ZNF407: variants seen among roughly 807,000 people sequenced by gnomAD.
ZNF407 encodes the protein zinc finger protein 407.
ZNF407 carries 17 observed loss-of-function variants against 131.2 expected under a neutral mutation model. The observed-to-expected ratio is 0.13, with a 90% CI of 0.09 to 0.19. ZNF407 has a LOEUF of 0.19. Ranked by LOEUF, ZNF407 falls within the 10% of genes least tolerant of loss-of-function variation. The pLI, the probability that ZNF407 is intolerant of heterozygous loss-of-function variation, is 1.00. For missense variants in ZNF407, 2,681 were observed against 2,830.6 expected, an observed-to-expected ratio of 0.95 and a Z score of 1.20; for synonymous variants, 1,156 against 1,062.0, an observed-to-expected ratio of 1.09 and a Z score of -1.72.
chr18:75,013,819 T>G (rs933838206), intron 8 of ZNF407, among the ~76,000 whole-genome samples: 15 of 152,148 alleles, frequency 9.9e-5, no homozygotes, highest in African/African-American at 3.6e-4. Context: ...CCTTATGTTT[T>G]TATCTGCTGT....
At chr18:74,991,732 T>C (rs999842219) in intron 8 of ZNF407, among the ~76,000 whole-genome samples, 2 of 152,216 alleles carry the variant, frequency 1.3e-5, no homozygotes, top group Non-Finnish European at 2.9e-5. Flanking sequence ...TCTTCACTTG[T>C]GGCCATCACT....
chr18:75,031,486 CT>C (rs1209374954), intron 8 of ZNF407, among the ~76,000 whole-genome samples: 1 of 152,170 alleles, frequency 6.6e-6, no homozygotes, highest in African/African-American at 2.4e-5. Flanking sequence ...ATTAATTAGA[CT>C]TTTGTTTTGC....
In ZNF407 at chr18:75,064,256, G is replaced by T. The variant is rs1310365467; in HGVS notation, c.6535G>T (p.Val2179Leu). The T allele has an allele frequency of 5.0e-6, 8 of 1,606,184 alleles. No individual in the cohort carries two copies. Among genetic ancestry groups the T allele is most frequent in the Middle Eastern group, 1.7e-4 (1 of 6,046 alleles). The change falls in exon 9 of 9, where the codon GTG becomes TTG. Residue 2179 changes from valine (V) to leucine (L), a missense_variant. Around this residue, in one of 6 missense-constraint regions of ZNF407, gnomAD observed 620 missense variants for 583.1 expected, o/e 1.06. Coordinates refer to ENST00000299687, the MANE Select transcript of ZNF407 (RefSeq NM_017757.3). ...CATCCTGACAGAGCTGCCCCCAGGG[G>T]TGCAGGACGAGCCGGGCCTGTACTC... ...HYILTELPPG[V>L]QDEPGLYSHT...
At chr18:74,793,184 T>G (rs1969857610) in intron 4 of ZNF407, among the ~76,000 whole-genome samples, 1 of 152,220 alleles carries the variant, frequency 6.6e-6, no homozygotes, top group Admixed American at 6.5e-5. Context: ...AAGAAGTGAT[T>G]AAAAACAAAA....
chr18:74,634,878 C>T lies in ZNF407; in HGVS notation c.3859C>T (p.Arg1287Cys), dbSNP rs1216248818. 10 of 1,613,398 alleles carry T rather than the reference C, an allele frequency of 6.2e-6. No individual in the cohort carries two copies. Among genetic ancestry groups the T allele is most frequent in the East Asian group, 2.2e-5 (1 of 44,864 alleles). The change falls in exon 2 of 9, where the codon CGT becomes TGT. Residue 1287 changes from arginine to cysteine, a missense_variant. Coordinates refer to ENST00000299687, the MANE Select transcript of ZNF407 (RefSeq NM_017757.3). ...GAGCGGGGGTCAGAACAGAGTTGCA[C>T]GTGGGCATGGTTTGGAAGACTTGAA... The part of the protein sequence containing the change: ...LESGGQNRVA[R>C]GHGLEDLKGV...
At chr18:74,697,274 A>C (rs576383107) in intron 3 of ZNF407, among the ~76,000 whole-genome samples, 3 of 152,264 alleles carry the variant, frequency 2.0e-5, no homozygotes. Context: ...CTGTGCTCCT[A>C]TGAGGAGAAT....
intron 7 of ZNF407, among the ~76,000 whole-genome samples, chr18:74,894,670 A>G (rs1346690283): frequency 2.0e-5 from 3 of 152,176 alleles, no homozygotes; most frequent in Non-Finnish European, 4.4e-5. Flanking sequence ...TAATAAATGC[A>G]TATTAAACAG....
chr18:74,788,540 C>G (rs1276842048), intron 4 of ZNF407, among the ~76,000 whole-genome samples: 1 of 151,296 alleles, frequency 6.6e-6, no homozygotes, highest in African/African-American at 2.4e-5. Flanking sequence ...GGATTCCTTT[C>G]CTTTTATACC....
intron 8 of ZNF407, among the ~76,000 whole-genome samples, chr18:75,052,720 T>A (rs1462041758): frequency 1.3e-5 from 2 of 152,236 alleles, no homozygotes; most frequent in Non-Finnish European, 2.9e-5. Flanking sequence ...AATTCAGTTT[T>A]CCACTTGTTC....
At position 74,807,467 on chromosome 18, in the gene ZNF407, T is replaced by C. The variant is rs534382704; in HGVS notation, c.4877+25965T>C. Among the ~76,000 whole-genome samples the C allele has an allele frequency of 2.3e-3, 353 of 152,306 alleles. 3 individuals carry two copies. Among genetic ancestry groups the C allele is most frequent in the African/African-American group, 8.1e-3 (337 of 41,578 alleles). On this transcript the variant is annotated intron_variant, in intron 4 of 8. Transcript: ENST00000299687. ...AGACTTTGAACAGTCACACTAGTTA[T>C]GCTATAGTATGGTGCTCAAGTTCCC...
chr18:75,030,846 C>G (rs1328500795), intron 8 of ZNF407, among the ~76,000 whole-genome samples: 1 of 152,220 alleles, frequency 6.6e-6, no homozygotes, highest in Non-Finnish European at 1.5e-5. Context: ...CCTCTCCATT[C>G]TCTACCCCCG....
intron 8 of ZNF407, among the ~76,000 whole-genome samples, chr18:74,933,611 T>C (rs149342202): frequency 6.6e-6 from 1 of 152,232 alleles, no homozygotes; most frequent in Admixed American, 6.5e-5. Flanking sequence ...TTGGTACCCC[T>C]ATTTTTTCTG....
intron 4 of ZNF407, among the ~76,000 whole-genome samples, chr18:74,842,936 C>A (rs945296742): frequency 2.6e-5 from 4 of 151,984 alleles, no homozygotes; most frequent in Non-Finnish European, 4.4e-5. Context: ...AGGCTTCTCT[C>A]GAACTCCTGA....
At chr18:74,647,055 G>A (rs901144132) in intron 3 of ZNF407, among the ~76,000 whole-genome samples, 1 of 152,072 alleles carries the variant, frequency 6.6e-6, no homozygotes, top group African/African-American at 2.4e-5. Flanking sequence ...TGTGTCTAAA[G>A]TCTTTTCCAG....
chr18:75,064,219 C>T lies in ZNF407; in HGVS notation c.6498C>T (p.Gly2166=), dbSNP rs1418452366. Residue 2166 remains glycine (G), a synonymous_variant, in exon 9 of 9, where the codon GGC becomes GGT. Transcript: ENST00000299687. ...VQESSGGFSE[G]TTHYILTELP... ...AGTCCAGTGGCGGCTTCTCCGAGGG[C>T]ACCACGCACTACATCCTGACAGAGC... 1.0e-5 allele frequency: 16 copies of T among 1,606,202 alleles called. No homozygotes were observed. The highest frequency in any genetic ancestry group is 1.4e-5 in the Non-Finnish European group (16 of 1,177,896).
intron 4 of ZNF407, among the ~76,000 whole-genome samples, chr18:74,800,681 T>C (rs1226196229): frequency 1.3e-5 from 2 of 152,192 alleles, no homozygotes; most frequent in African/African-American, 2.4e-5. Context: ...TCATTTCTCA[T>C]TGGAAGCATA....
At chr18:74,818,865 TAA>T (rs11392274) in intron 4 of ZNF407, among the ~76,000 whole-genome samples, 20 of 139,428 alleles carry the variant, frequency 1.4e-4, no homozygotes, top group African/African-American at 4.5e-4. Context: ...CATTGAACAG[TAA>T]AAAAAAAAAA....
At chr18:74,999,645 G>A (rs1972822425) in intron 8 of ZNF407, among the ~76,000 whole-genome samples, 1 of 152,160 alleles carries the variant, frequency 6.6e-6, no homozygotes, top group African/African-American at 2.4e-5. Flanking sequence ...CATAAAGATT[G>A]CTGATAGTGT....
intron 3 of ZNF407, among the ~76,000 whole-genome samples, chr18:74,735,637 T>C (rs1279196092): frequency 1.3e-5 from 2 of 152,190 alleles, no homozygotes; most frequent in African/African-American, 4.8e-5. Flanking sequence ...ATTTAAATAT[T>C]TAAATATTAA....
Sources: allele counts gnomAD v4.1 joint callset (sites outside exome capture counted in the v4.1 genomes callset), GRCh38; gene constraint gnomAD v4.1.1; regional missense constraint gnomAD v4.1.1; transcripts MANE v1.5; gene names NCBI Gene and HGNC (gene_info 2026-07-23, HGNC 2026-07-21).